Variants in SRGAP2C observed in about 807,000 individuals in gnomAD.
SRGAP2C encodes the protein SLIT-ROBO Rho GTPase-activating protein 2C.
A neutral mutation model predicts 25.1 loss-of-function variants in SRGAP2C; 15 were observed. That is an observed-to-expected ratio of 0.60 (90% CI 0.40 to 0.92). The LOEUF (loss-of-function observed/expected upper bound fraction) is 0.92. SRGAP2C is among the 40% of genes least tolerant of loss of function. SRGAP2C has a pLI of 0.00. For missense variants in SRGAP2C, 144 were observed against 264.4 expected, an observed-to-expected ratio of 0.54 and a Z score of 3.16; for synonymous variants, 44 against 96.6, an observed-to-expected ratio of 0.46 and a Z score of 3.19.
At chr1:121,192,260 A>G (rs1654706234) in intron 2 of SRGAP2C, among the ~76,000 whole-genome samples, 2 of 151,646 alleles carry the variant, frequency 1.3e-5, no homozygotes, top group Admixed American at 1.3e-4. Context: ...TTTAAATATA[A>G]TCAGTTAAAT....
intron 2 of SRGAP2C, among the ~76,000 whole-genome samples, chr1:121,254,250 AGGAAATC>A (rs1186282476): frequency 2.6e-4 from 34 of 133,164 alleles, no homozygotes; most frequent in Non-Finnish European, 5.1e-4. Flanking sequence ...ATTAATGCAT[AGGAAATC>A]CCCATCTTTC....
In SRGAP2C at chr1:121,235,175, C is replaced by T. The variant is rs587734600; in HGVS notation, c.67+47662C>T. Among the ~76,000 whole-genome samples, 374 of 143,000 alleles carry T rather than the reference C, an allele frequency of 2.6e-3. 10 individuals carry two copies. Among genetic ancestry groups the T allele is most frequent in the Admixed American group, 0.023 (336 of 14,434 alleles). The allele number at this position is 143,000 out of a possible 152,430, so 93.8% of individuals were successfully genotyped here. A position where few individuals can be genotyped will look rare whatever the true frequency, so the allele number is the denominator to read the frequency against. ...CCCGAGTAGCTGGGACTACAGGCGCCCGCCACCAGGCCCGGCTAATTTTTT... is the reference window on the plus strand; with the variant it reads ...CCCGAGTAGCTGGGACTACAGGCGCTCGCCACCAGGCCCGGCTAATTTTTT... On this transcript the variant is annotated intron_variant, in intron 2 of 9. Coordinates refer to ENST00000367123, the MANE Select transcript of SRGAP2C (RefSeq NM_001329984.2).
chr1:121,314,434 T>C (rs1242001345), intron 3 of SRGAP2C, among the ~76,000 whole-genome samples: 12 of 152,224 alleles, frequency 7.9e-5, no homozygotes, highest in African/African-American at 2.7e-4. Context: ...CTCGTCAAAA[T>C]CATTCTCCAT....
chr1:121,287,773 G>A (rs1460442597), intron 3 of SRGAP2C, among the ~76,000 whole-genome samples: 3 of 152,168 alleles, frequency 2.0e-5, no homozygotes, highest in Admixed American at 6.5e-5. Flanking sequence ...TGTGTTTGGA[G>A]TTTCTTCCTT....
At chr1:121,331,094 G>A (rs1362028671) in intron 4 of SRGAP2C, among the ~76,000 whole-genome samples, 1 of 25,772 alleles carries the variant, frequency 3.9e-5, no homozygotes, top group Non-Finnish European at 5.7e-5. Flanking sequence ...ACAAAGACTT[G>A]CACCTGAATA....
At chr1:121,190,075 C>T (rs1210156820) in intron 2 of SRGAP2C, among the ~76,000 whole-genome samples, 1 of 151,872 alleles carries the variant, frequency 6.6e-6, no homozygotes, top group Non-Finnish European at 1.5e-5. Flanking sequence ...CCTCGTGGAG[C>T]TTATATTCTG....
chr1:121,198,268 G>T (rs1268245036), intron 2 of SRGAP2C, among the ~76,000 whole-genome samples: 1 of 145,508 alleles, frequency 6.9e-6, no homozygotes, highest in Non-Finnish European at 1.5e-5. Context: ...TAGGAAGAAG[G>T]CATATTCTCT....
At chr1:121,204,637 T>A (rs1169784633) in intron 2 of SRGAP2C, among the ~76,000 whole-genome samples, 2 of 152,194 alleles carry the variant, frequency 1.3e-5, no homozygotes, top group Non-Finnish European at 1.5e-5. Flanking sequence ...GATGTGTAGA[T>A]GTTCCTTTTA....
intron 2 of SRGAP2C, among the ~76,000 whole-genome samples, chr1:121,265,885 G>A (rs1656764076): frequency 6.6e-6 from 1 of 151,742 alleles, no homozygotes; most frequent in African/African-American, 2.4e-5. Flanking sequence ...TGAATTGGAT[G>A]GCTTGGTACT....
At chr1:121,273,280 TA>T (rs11379508) in intron 2 of SRGAP2C, among the ~76,000 whole-genome samples, 51 of 93,872 alleles carry the variant, frequency 5.4e-4, no homozygotes, top group African/African-American at 1.4e-3. Flanking sequence ...TACCTTTCCA[TA>T]AAAAAAAACT....
intron 2 of SRGAP2C, among the ~76,000 whole-genome samples, chr1:121,216,031 G>A (rs1309040327): frequency 6.6e-6 from 1 of 151,940 alleles, no homozygotes; most frequent in Non-Finnish European, 1.5e-5. Flanking sequence ...TCTTTCCCCT[G>A]CAGGGGCCTC....
intron 7 of SRGAP2C, among the ~76,000 whole-genome samples, chr1:121,379,131 A>T (rs587734722): frequency 6.6e-6 from 1 of 152,234 alleles, no homozygotes; most frequent in Non-Finnish European, 1.5e-5. Flanking sequence ...CACCATGTGC[A>T]CCCAAGTCGG....
At chr1:121,328,485 C>A (rs1658362434) in intron 4 of SRGAP2C, among the ~76,000 whole-genome samples, 1 of 152,054 alleles carries the variant, frequency 6.6e-6, no homozygotes, top group Admixed American at 6.6e-5. Context: ...ATGTTAAGCA[C>A]TTTATATGTA....
At chr1:121,265,973 TTTG>T (rs771732337) in intron 2 of SRGAP2C, among the ~76,000 whole-genome samples, 15 of 151,780 alleles carry the variant, frequency 9.9e-5, no homozygotes, top group Non-Finnish European at 1.9e-4. Flanking sequence ...TGTTTGTTCG[TTTG>T]TTGTTGTTGT....
intron 2 of SRGAP2C, among the ~76,000 whole-genome samples, chr1:121,279,533 A>G (rs1393465115): frequency 7.2e-5 from 11 of 151,728 alleles, no homozygotes; most frequent in Non-Finnish European, 1.2e-4. Context: ...AATGATCAGT[A>G]TCCTATTAGG....
At chr1:121,366,353 G>A (rs1198857485) in intron 5 of SRGAP2C, among the ~76,000 whole-genome samples, 1 of 121,686 alleles carries the variant, frequency 8.2e-6, no homozygotes, top group Admixed American at 8.6e-5. Context: ...GGGATCAGAT[G>A]TTGCTGATCC....
chr1:121,338,944 T>C (rs1234056313), intron 4 of SRGAP2C, among the ~76,000 whole-genome samples: 3 of 150,098 alleles, frequency 2.0e-5, no homozygotes, highest in South Asian at 2.1e-4. Flanking sequence ...TTTTAAAAAG[T>C]AGTAACGTGT....
At chr1:121,211,092 A>C (rs1655238897) in intron 2 of SRGAP2C, among the ~76,000 whole-genome samples, 2 of 149,096 alleles carry the variant, frequency 1.3e-5, no homozygotes, top group Admixed American at 6.7e-5. Context: ...TGCAGGATAC[A>C]GGATAGTGAA....
chr1:121,371,072 C>T (rs1330727075), intron 5 of SRGAP2C, among the ~76,000 whole-genome samples: 1 of 151,802 alleles, frequency 6.6e-6, no homozygotes, highest in Non-Finnish European at 1.5e-5. Context: ...ATATTCTTTG[C>T]AGAACTGAGA....
Sources: gnomAD v4.1 joint callset for allele counts (sites outside exome capture counted in the v4.1 genomes callset) on GRCh38, gnomAD v4.1.1 for gene constraint, MANE v1.5 for transcripts, NCBI Gene and HGNC (gene_info 2026-07-23, HGNC 2026-07-21) for gene names.